The following ZNF554 variants were observed in gnomAD, a reference collection of about 807,000 sequenced individuals.
ZNF554 encodes zinc finger protein 554.
Under a neutral mutation model 21.2 loss-of-function variants are expected in ZNF554, and 15 were observed. The observed-to-expected ratio is 0.71, with a 90% CI of 0.47 to 1.09. The LOEUF (loss-of-function observed/expected upper bound fraction) is 1.09. Among genes scored for constraint, ZNF554 ranks in the 50% least tolerant of loss-of-function variants. ZNF554 has a pLI of 0.00. For missense variants in ZNF554, 691 were observed against 662.7 expected, an observed-to-expected ratio of 1.04 and a Z score of -0.47; for synonymous variants, 258 against 251.4, an observed-to-expected ratio of 1.03 and a Z score of -0.25.
rs4574042 is a variant in ZNF554 at position 2,824,594 on chromosome 19, A to G, written c.126+1482A>G. 5.9e-5 allele frequency among the ~76,000 whole-genome samples: 6 copies of G among 102,314 alleles called. No individual in the cohort carries two copies. The South Asian group carries it at 1.4e-3, about 23-fold the overall frequency. 67.1% of individuals were successfully genotyped at this position (102,314 alleles called of 152,430 possible). A position where few individuals can be genotyped will look rare whatever the true frequency, so the allele number is the denominator to read the frequency against. On this transcript the variant is annotated intron_variant, in intron 2 of 4. Coordinates refer to ENST00000317243, the MANE Select transcript of ZNF554 (RefSeq NM_001102651.2). ...ACATGAAATACATATGAACTTTACC[A>G]TCTTAGCCGTTGATAAAACACACAT...
Position 2,834,110 on chromosome 19 carries a change from G to A in ZNF554, c.875G>A (p.Gly292Glu), listed in dbSNP as rs2087461249. ...IRQNSHFIQHGGKMFVYLENG... is the reference protein window; with the variant it reads ...IRQNSHFIQHEGKMFVYLENG... ...CAGAACAGTCACTTTATTCAACACG[G>A]GGGGAAGATGTTTGTGTATTTGGAA... The change falls in exon 5 of 5, where the codon GGG becomes GAG. Residue 292 changes from glycine (G) to glutamate (E), a missense_variant. Physicochemically the swap from Gly to Glu is moderately conservative, Grantham distance 98. Coordinates refer to ENST00000317243, the MANE Select transcript of ZNF554 (RefSeq NM_001102651.2). 1 of 1,614,074 alleles carries A rather than the reference G, an allele frequency of 6.2e-7. No homozygotes were observed. The highest frequency in any genetic ancestry group is 8.5e-7 in the Non-Finnish European group (1 of 1,180,040).
In ZNF554 at chr19:2,834,278, G is replaced by A. The variant is rs1361476801; in HGVS notation, c.1043G>A (p.Gly348Glu). ...SLSEHQRIHTGEKPYECQECG... is the reference protein window; with the variant it reads ...SLSEHQRIHTEEKPYECQECG... Reference sequence around the variant, plus strand: ...AGCGAACATCAAAGAATTCACACGGGGGAGAAACCCTACGAGTGTCAGGAG... The same window carrying A: ...AGCGAACATCAAAGAATTCACACGGAGGAGAAACCCTACGAGTGTCAGGAG... Residue 348 changes from glycine to glutamate, a missense_variant, in exon 5 of 5, where the codon GGG (glycine) becomes GAG (glutamate). Physicochemically the swap from Gly to Glu is moderately conservative, Grantham distance 98. Coordinates refer to ENST00000317243, the MANE Select transcript of ZNF554 (RefSeq NM_001102651.2). 4 of 1,613,988 alleles carry A rather than the reference G, an allele frequency of 2.5e-6. No homozygotes were observed. The South Asian group carries it at 3.3e-5, about 13-fold the overall frequency.
Position 2,836,127 on chromosome 19 carries a change from G to A in ZNF554, c.*1275G>A, listed in dbSNP as rs926042619. ...GCTGGTATTACAGGTGTGAGCCACC[G>A]TGCTGGTATTACGGGTGTGAGCCAC... On this transcript the variant is annotated 3_prime_UTR_variant, in exon 5 of 5. Transcript: ENST00000317243. 3.3e-5 allele frequency among the ~76,000 whole-genome samples: 5 copies of A among 151,702 alleles called. No individual in the cohort carries two copies. Among genetic ancestry groups the A allele is most frequent in the African/African-American group, 9.7e-5 (4 of 41,414 alleles).
rs199517922 is a variant in ZNF554, at chr19:2,833,857, G to T, written c.622G>T (p.Val208Leu). 1 of 1,613,206 alleles carries T rather than the reference G, an allele frequency of 6.2e-7. No homozygotes were observed. The highest frequency in any genetic ancestry group is 1.7e-5 in the Admixed American group (1 of 59,956). The change falls in exon 5 of 5, where the codon GTA (valine) becomes TTA (leucine). Residue 208 changes from valine to leucine, a missense_variant. Val to Leu is a conservative substitution (Grantham distance 32). Coordinates refer to ENST00000317243, the MANE Select transcript of ZNF554 (RefSeq NM_001102651.2). ...TTTGAGCCAAAAGGCATCCCTTCAC[G>T]TAGTGGCCGTTCCTCAGGAGAAGGC... is the stretch of plus-strand genomic sequence containing the variant. ...GLLSQKASLHVVAVPQEKATA... is the reference protein window; with the variant it reads ...GLLSQKASLHLVAVPQEKATA...
chr19:2,827,826 A>C, intron 3 of ZNF554, 83 bp downstream of exon 3: 2 of 1,543,872 alleles, frequency 1.3e-6, no homozygotes, highest in South Asian at 2.3e-5. Flanking sequence ...GCTAATAAAG[A>C]AATACCCAAG....
intron 2 of ZNF554, among the ~76,000 whole-genome samples, chr19:2,826,026 G>A (rs11084957): frequency 1.3e-5 from 2 of 151,102 alleles, no homozygotes; most frequent in African/African-American, 4.9e-5. Context: ...TCAGCCTCCC[G>A]AGTAGCTGCA....
In ZNF554 at chr19:2,833,976, C is replaced by T. The variant is rs201102146; in HGVS notation, c.741C>T (p.Ser247=). Reference sequence around the variant, plus strand: ...CTAAAGGGAACCACTTGTGTGGCAGCGAGTTAGATATTACAAGCTTGGCAT... The same window carrying T: ...CTAAAGGGAACCACTTGTGTGGCAGTGAGTTAGATATTACAAGCTTGGCAT... ...GSSKGNHLCG[S]ELDITSLASD... Residue 247 remains serine, a synonymous_variant, in exon 5 of 5, where the codon AGC becomes AGT. Coordinates refer to ENST00000317243, the MANE Select transcript of ZNF554 (RefSeq NM_001102651.2). The T allele has an allele frequency of 6.6e-5, 107 of 1,614,050 alleles. No individual in the cohort carries two copies. The African/African-American group carries it at 6.9e-4, about 10-fold the overall frequency.
rs1276334633 is a variant in ZNF554, at chr19:2,836,517, G to A, written c.*1665G>A. Reference sequence around the variant, plus strand: ...GAGGTAAAGTTTAAAAAATACAAGGGCTTCAAAATAGTACTAGTAATTTGA... The same window carrying A: ...GAGGTAAAGTTTAAAAAATACAAGGACTTCAAAATAGTACTAGTAATTTGA... On this transcript the variant is annotated 3_prime_UTR_variant, in exon 5 of 5. Coordinates refer to ENST00000317243, the MANE Select transcript of ZNF554 (RefSeq NM_001102651.2). Among the ~76,000 whole-genome samples the A allele has an allele frequency of 6.6e-6, 1 of 152,178 alleles. No individual in the cohort carries two copies. Among genetic ancestry groups the A allele is most frequent in the Non-Finnish European group, 1.5e-5 (1 of 68,034 alleles).
intron 2 of ZNF554, among the ~76,000 whole-genome samples, chr19:2,824,680 A>G (rs892274063): frequency 1.3e-5 from 2 of 152,248 alleles, no homozygotes; most frequent in African/African-American, 4.8e-5. Context: ...ATACATATGA[A>G]CTTTACCATC....
intron 3 of ZNF554, among the ~76,000 whole-genome samples, chr19:2,829,073 T>C (rs2087376928): frequency 6.6e-6 from 1 of 151,846 alleles, no homozygotes; most frequent in African/African-American, 2.4e-5. Flanking sequence ...TGATAAAAAA[T>C]GTAGGCTGGG....
Position 2,834,956 on chromosome 19 carries a change from GTCACCTTC to G in ZNF554, c.*114_*121del. The G allele has an allele frequency of 9.4e-7, 1 of 1,067,810 alleles. No individual in the cohort carries two copies. Among genetic ancestry groups the G allele is most frequent in the South Asian group, 1.6e-5 (1 of 60,822 alleles). 66.1% of individuals were successfully genotyped at this position (1,067,810 alleles called of 1,614,324 possible). ...ATAATTTGAAAAGAAGTGGGTTTAT[GTCACCTTC>G]TCACCTTCTTATAAGAAAGCTCTGA... On this transcript the variant is annotated 3_prime_UTR_variant, in exon 5 of 5. Coordinates refer to ENST00000317243, the MANE Select transcript of ZNF554 (RefSeq NM_001102651.2).
At chr19:2,832,563 C>T in intron 4 of ZNF554, 69 bp downstream of exon 4, 1 of 1,456,106 alleles carries the variant, frequency 6.9e-7, no homozygotes, top group African/African-American at 1.4e-5. Context: ...TCAGAGAGCT[C>T]TTCACAAGGC....
Position 2,821,591 on chromosome 19 carries a change from G to T in ZNF554, c.54-1449G>T, listed in dbSNP as rs1482742638. ...GGCCTGCCATAGTTGGTGTCCCTTG[G>T]CTTGGGGCCACATCACTCCAAGCTC... On this transcript the variant is annotated intron_variant, in intron 1 of 4. Transcript: ENST00000317243. This position sits in a 1 kb window ranked among gnomAD's most constrained non-coding sequence, Gnocchi z 8.2. Among the ~76,000 whole-genome samples the T allele has an allele frequency of 6.6e-6, 1 of 151,928 alleles. No individual in the cohort carries two copies. The highest frequency in any genetic ancestry group is 2.4e-5 in the African/African-American group (1 of 41,194).
rs1227986924 is a variant in ZNF554 at position 2,834,497 on chromosome 19, C to G, written c.1262C>G (p.Ser421Cys). The G allele has an allele frequency of 6.2e-7, 1 of 1,614,126 alleles. No homozygotes were observed. ...TGTGGGAAATCCTTCTGCCAGAGCT[C>G]TTACCTGATCTTGCACAAGAGGACA... ...EDCGKSFCQS[S>C]YLILHKRTHT... The change falls in exon 5 of 5, where the codon TCT (serine) becomes TGT (cysteine). Residue 421 changes from serine (S) to cysteine (C), a missense_variant. Physicochemically the swap from Ser to Cys is moderately radical, Grantham distance 112. Coordinates refer to ENST00000317243, the MANE Select transcript of ZNF554 (RefSeq NM_001102651.2).
In ZNF554 at chr19:2,832,312, A is replaced by C. The variant is rs759400408; in HGVS notation, c.263A>C (p.Lys88Thr). ...YRNVVSLEALKNQCTDVGIKE... is the reference protein window; with the variant it reads ...YRNVVSLEALTNQCTDVGIKE... ...CTCTTGTCTTTTTCAGAAGCCTTGAAGAACCAATGTACTGATGTGGGGATT... is the reference window on the plus strand; with the variant it reads ...CTCTTGTCTTTTTCAGAAGCCTTGACGAACCAATGTACTGATGTGGGGATT... The change falls in exon 4 of 5, where the codon AAG (lysine) becomes ACG (threonine). Residue 88 changes from lysine to threonine, a missense_variant. Transcript: ENST00000317243. The C allele has an allele frequency of 7.6e-6, 12 of 1,582,380 alleles. No individual in the cohort carries two copies. The East Asian group carries it at 2.7e-4, about 35-fold the overall frequency.
In ZNF554 at chr19:2,835,102, A is replaced by G; in HGVS notation, c.*250A>G. The G allele has an allele frequency of 2.3e-6, 1 of 426,852 alleles. No homozygotes were observed. The highest frequency in any genetic ancestry group is 4.2e-6 in the Non-Finnish European group (1 of 235,908). The allele number at this position is 426,852 out of a possible 1,614,324, so 26.4% of individuals were successfully genotyped here. On this transcript the variant is annotated 3_prime_UTR_variant, in exon 5 of 5. Coordinates refer to ENST00000317243, the MANE Select transcript of ZNF554 (RefSeq NM_001102651.2). Reference sequence around the variant, plus strand: ...CAGCTTCAACTTCCTGGGCTCAAGTAATCCTCCCACCCCAGCCTCCCAGGT... The same window carrying G: ...CAGCTTCAACTTCCTGGGCTCAAGTGATCCTCCCACCCCAGCCTCCCAGGT...
intron 2 of ZNF554, among the ~76,000 whole-genome samples, chr19:2,824,338 C>G (rs757935760): frequency 2.6e-5 from 4 of 152,190 alleles, no homozygotes; most frequent in African/African-American, 4.8e-5. Context: ...CTCAGTTCCC[C>G]CAAGAGCACA....
chr19:2,830,992 A>C (rs546849112), intron 3 of ZNF554: 3 of 152,166 alleles, frequency 2.0e-5, no homozygotes, highest in African/African-American at 7.2e-5. Flanking sequence ...TGTTGAACTC[A>C]TGACCTCTAG....
intron 2 of ZNF554, among the ~76,000 whole-genome samples, chr19:2,823,688 C>G (rs2087292628): frequency 6.6e-6 from 1 of 152,162 alleles, no homozygotes; most frequent in Admixed American, 6.5e-5. Context: ...CAGATCATCT[C>G]TGCAGCCTTC....
Sources: allele counts gnomAD v4.1 joint callset (sites outside exome capture counted in the v4.1 genomes callset), GRCh38; gene constraint gnomAD v4.1.1; non-coding constraint Gnocchi (gnomAD v3.1); transcripts MANE v1.5; gene names NCBI Gene and HGNC (gene_info 2026-07-23, HGNC 2026-07-21).